APBB3: variants seen among roughly 807,000 people sequenced by gnomAD.
The protein encoded by APBB3 is amyloid beta precursor protein binding family B member 3.
A neutral mutation model predicts 61.5 loss-of-function variants in APBB3; 50 were observed. That is an observed-to-expected ratio of 0.81 (90% CI 0.65 to 1.03). APBB3 has a LOEUF of 1.03. Ranked by LOEUF, APBB3 falls within the 50% of genes least tolerant of loss-of-function variation. APBB3 has a pLI of 0.00. For missense variants in APBB3, 550 were observed against 637.4 expected (o/e 0.86, Z 1.48); for synonymous variants, 235 against 233.0 (o/e 1.01, Z -0.08).
chr5:140,562,130 C>A lies in APBB3; in HGVS notation c.596G>T (p.Arg199Leu). The A allele has an allele frequency of 6.2e-7, 1 of 1,614,190 alleles. No homozygotes were observed. Among genetic ancestry groups the A allele is most frequent in the Non-Finnish European group, 8.5e-7 (1 of 1,180,008 alleles). Reference protein sequence around the residue: ...LIHCQPLVHIRVWGVGSSKGR... With the variant: ...LIHCQPLVHILVWGVGSSKGR... ...CTTGGAGCTCCCCACGCCCCACACA[C>A]GGATGTGCACCAGAGGCTGGCAGTG... Residue 199 changes from arginine to leucine, a missense_variant, in exon 6 of 13, where the codon CGT becomes CTT. Coordinates refer to ENST00000357560, the MANE Select transcript of APBB3 (RefSeq NM_133173.3).
Position 140,560,834 on chromosome 5 carries a change from G to A in APBB3, c.917-80C>T. 6.9e-7 allele frequency: 1 copy of A among 1,448,016 alleles called. No homozygotes were observed. The highest frequency in any genetic ancestry group is 9.6e-7 in the Non-Finnish European group (1 of 1,037,130). 89.7% of individuals were successfully genotyped at this position (1,448,016 alleles called of 1,614,324 possible). ...GTGTCTAGCCCCCTCTCACTGATTT[G>A]GGATTCAGAGATAGGGAATAGGATA... is the stretch of plus-strand genomic sequence containing the variant. On this transcript the variant is annotated intron_variant, in intron 10 of 12. Coordinates refer to ENST00000357560, the MANE Select transcript of APBB3 (RefSeq NM_133173.3). The surrounding 1 kb of genome is among the most constrained non-coding windows in gnomAD (Gnocchi z 5.1).
In APBB3 at chr5:140,560,432, G is replaced by C. The variant is rs775462297; in HGVS notation, c.1105C>G (p.Arg369Gly). The change falls in exon 12 of 13, where the codon CGC becomes GGC. Residue 369 changes from arginine to glycine, a missense_variant. By Grantham distance (125) the Arg-to-Gly change is moderately radical (BLOSUM62 -2). Transcript: ENST00000357560. This position sits in a 1 kb window ranked among gnomAD's most constrained non-coding sequence, Gnocchi z 5.1. ...ATGAGGCCAAAGGTGTGTGGGTCGC[G>C]GCCAACACCAATAAATGTCACAAGG... ...VRLVTFIGVG[R>G]DPHTFGLIAD... 2 of 1,614,150 alleles carry C rather than the reference G, an allele frequency of 1.2e-6. No homozygotes were observed. The highest frequency in any genetic ancestry group is 3.3e-5 in the Admixed American group (2 of 60,024).
Position 140,558,396 on chromosome 5 carries a change from C to T in APBB3, c.*189G>A, listed in dbSNP as rs985426745. The T allele has an allele frequency of 2.8e-6, 2 of 715,890 alleles. No individual in the cohort carries two copies. Among genetic ancestry groups the T allele is most frequent in the Non-Finnish European group, 4.9e-6 (2 of 404,282 alleles). The allele number at this position is 715,890 out of a possible 1,614,324, so 44.3% of individuals were successfully genotyped here. Reference sequence around the variant, plus strand: ...CAAGGAAAGGGGAGCCAGGGTCCTACGTTGTGGTGCAGTGCCTCCCAGTCA... The same window carrying T: ...CAAGGAAAGGGGAGCCAGGGTCCTATGTTGTGGTGCAGTGCCTCCCAGTCA... On this transcript the variant is annotated 3_prime_UTR_variant, in exon 13 of 13. Transcript: ENST00000357560.
chr5:140,563,686 T>G lies in APBB3; in HGVS notation c.214-16A>C, dbSNP rs780994271. The G allele has an allele frequency of 1.9e-5, 31 of 1,613,912 alleles. No homozygotes were observed. In the South Asian group the frequency reaches 3.0e-4, roughly 15 times the overall value. On this transcript the variant is annotated splice_polypyrimidine_tract_variant and intron_variant, in intron 2 of 12. Coordinates refer to ENST00000357560, the MANE Select transcript of APBB3 (RefSeq NM_133173.3). ...CCTCCGTTCCCTGTAGAGTGGGAGT[T>G]AGTCAGTTTAACAGCAGACCTAGGT...
chr5:140,562,349 T>C lies in APBB3; in HGVS notation c.498+4A>G, dbSNP rs1424319123. The C allele has an allele frequency of 6.2e-7, 1 of 1,613,676 alleles. No individual in the cohort carries two copies. The highest frequency in any genetic ancestry group is 8.5e-7 in the Non-Finnish European group (1 of 1,179,858). On this transcript the variant is annotated splice_donor_region_variant and intron_variant, in intron 5 of 12. Coordinates refer to ENST00000357560, the MANE Select transcript of APBB3 (RefSeq NM_133173.3). ...CAAACCATTAAAGGGCCCAGCCAACTCACCTCACCCCAGGCACCATCTGGA... is the reference window on the plus strand; with the variant it reads ...CAAACCATTAAAGGGCCCAGCCAACCCACCTCACCCCAGGCACCATCTGGA...
Position 140,564,393 on chromosome 5 carries a change from G to GGGACACGGGC in APBB3, c.-149_-148insGCCCGTGTCC. On this transcript the variant is annotated 5_prime_UTR_variant, in exon 1 of 13. Coordinates refer to ENST00000357560, the MANE Select transcript of APBB3 (RefSeq NM_133173.3). This position sits in a 1 kb window ranked among gnomAD's most constrained non-coding sequence, Gnocchi z 5.0. ...GCACAAATACGGGGCGGGACACGGG[G>GGGACACGGGC]CGGGACACGGGCCGGTCCCGGGGGA... The GGGACACGGGC allele has an allele frequency of 3.2e-6, 3 of 935,442 alleles. No individual in the cohort carries two copies. The highest frequency in any genetic ancestry group is 1.7e-5 in the African/African-American group (1 of 60,380). The allele number at this position is 935,442 out of a possible 1,614,324, so 57.9% of individuals were successfully genotyped here.
Position 140,563,628 on chromosome 5 carries a change from A to G in APBB3, c.256T>C (p.Ser86Pro). Residue 86 changes from serine (S) to proline (P), a missense_variant, in exon 3 of 13, where the codon TCC becomes CCC. Physicochemically the swap from Ser to Pro is moderately conservative, Grantham distance 74. This residue lies in a region of APBB3 where 405 missense variants were observed against 483.4 expected (regional missense o/e 0.84). Coordinates refer to ENST00000357560, the MANE Select transcript of APBB3 (RefSeq NM_133173.3). ...AGTGAACTCTCCAGGCTGGAGAAGG[A>G]TCTCCCTTTGGGGGGCCGCAGTCCC... ...IWGLRPPKGR[S>P]FSSLESSLDR... is the part of the protein sequence containing the mutation. 6.2e-7 allele frequency: 1 copy of G among 1,614,164 alleles called. No homozygotes were observed. The highest frequency in any genetic ancestry group is 2.2e-5 in the East Asian group (1 of 44,880).
At chr5:140,562,063 G>A (rs1561872637) in intron 6 of APBB3, 37 bp downstream of exon 6, 1 of 1,612,912 alleles carries the variant, frequency 6.2e-7, no homozygotes, top group East Asian at 2.2e-5. Flanking sequence ...CCGGGAGGGA[G>A]AAGTAGCTCT....
rs1435487477 is a variant in APBB3 at position 140,561,855 on chromosome 5, C to G, written c.627-6G>C. ...TGGTTTTCACTCACCTGTCACTGTT[C>G]CGGAAGCATGTGGGAGCACAGAAGG... is the stretch of plus-strand genomic sequence containing the variant. On this transcript the variant is annotated splice_region_variant and splice_polypyrimidine_tract_variant and intron_variant, in intron 6 of 12. Coordinates refer to ENST00000357560, the MANE Select transcript of APBB3 (RefSeq NM_133173.3). The G allele has an allele frequency of 2.5e-6, 4 of 1,613,538 alleles. No individual in the cohort carries two copies. Among genetic ancestry groups the G allele is most frequent in the Non-Finnish European group, 3.4e-6 (4 of 1,179,976 alleles).
At position 140,560,086 on chromosome 5, in the gene APBB3, A is replaced by G. The variant is rs1370685088; in HGVS notation, c.1224+227T>C. Among the ~76,000 whole-genome samples the G allele has an allele frequency of 6.6e-6, 1 of 152,240 alleles. No homozygotes were observed. The highest frequency in any genetic ancestry group is 1.9e-4 in the East Asian group (1 of 5,204). The stretch of plus-strand genomic sequence containing the variant: ...TGTGAACTGAGTGCCAGAGCTCTTG[A>G]TATTTTAAGAAAAACAAGAATAGCG... On this transcript the variant is annotated intron_variant, in intron 12 of 12. Transcript: ENST00000357560. This position sits in a 1 kb window ranked among gnomAD's most constrained non-coding sequence, Gnocchi z 5.1.
Position 140,561,155 on chromosome 5 carries a change from C to T in APBB3, c.833-54G>A, listed in dbSNP as rs1754938123. The T allele has an allele frequency of 5.6e-6, 9 of 1,600,492 alleles. No individual in the cohort carries two copies. In the Admixed American group the frequency reaches 1.0e-4, roughly 18 times the overall value. On this transcript the variant is annotated intron_variant, in intron 9 of 12. Coordinates refer to ENST00000357560, the MANE Select transcript of APBB3 (RefSeq NM_133173.3). ...AAGCTCTTTCAATTACCCTTTTCCC[C>T]ACCCTTCTCAATGGGCCAGGACTCA...
rs920129674 is a variant in APBB3, at chr5:140,562,076, C to T, written c.626+24G>A. ...AGCCGGGAGGGAGAAGTAGCTCTTG[C>T]TTGGGGGATGTAGGCATCCTCACCG... On this transcript the variant is annotated intron_variant, in intron 6 of 12. Coordinates refer to ENST00000357560, the MANE Select transcript of APBB3 (RefSeq NM_133173.3). The T allele has an allele frequency of 2.5e-6, 4 of 1,613,098 alleles. No individual in the cohort carries two copies. The African/African-American group carries it at 4.0e-5, about 16-fold the overall frequency.
Position 140,563,819 on chromosome 5 carries a change from A to G in APBB3, c.146T>C (p.Val49Ala), listed in dbSNP as rs767287978. The G allele has an allele frequency of 6.2e-7, 1 of 1,614,182 alleles. No individual in the cohort carries two copies. The change falls in exon 2 of 13, where the codon GTA (valine) becomes GCA (alanine). Residue 49 changes from valine (V) to alanine (A), a missense_variant. By Grantham distance (64) the Val-to-Ala change is moderately conservative. Around this residue, in one of 3 missense-constraint regions of APBB3, gnomAD observed 405 missense variants for 483.4 expected, o/e 0.84. Transcript: ENST00000357560. The part of the protein sequence containing the change: ...HDAAGTYYWH[V>A]PSGSTQWQRP... ...CTGCCACTGGGTGCTACCGCTGGGTACATGCCAGTAGTAAGTACCTGCAGC... is the reference window on the plus strand; with the variant it reads ...CTGCCACTGGGTGCTACCGCTGGGTGCATGCCAGTAGTAAGTACCTGCAGC...
intron 3 of APBB3, 143 bp from the exon 4 acceptor site, chr5:140,562,866 C>T (rs1755025236): frequency 4.2e-6 from 3 of 722,354 alleles, no homozygotes; most frequent in African/African-American, 3.6e-5. Flanking sequence ...AGGGTAGAGC[C>T]CAGGACATAT....
chr5:140,564,060 T>C lies in APBB3; in HGVS notation c.49+137A>G. 4.1e-6 allele frequency: 6 copies of C among 1,470,190 alleles called. No individual in the cohort carries two copies. The highest frequency in any genetic ancestry group is 1.7e-4 in the Middle Eastern group (1 of 5,728). The allele number at this position is 1,470,190 out of a possible 1,614,324, so 91.1% of individuals were successfully genotyped here. A position where few individuals can be genotyped will look rare whatever the true frequency, so the allele number is the denominator to read the frequency against. The stretch of plus-strand genomic sequence containing the variant: ...TCCTCAATCTTGAAGACATCACATG[T>C]AAAGACCGGGTTCATTCGCCCCCTG... On this transcript the variant is annotated intron_variant, in intron 1 of 12. Coordinates refer to ENST00000357560, the MANE Select transcript of APBB3 (RefSeq NM_133173.3). This position sits in a 1 kb window ranked among gnomAD's most constrained non-coding sequence, Gnocchi z 5.0.
intron 3 of APBB3, 103 bp downstream of exon 3, chr5:140,563,491 G>T: frequency 1.4e-6 from 2 of 1,390,102 alleles, no homozygotes; most frequent in Non-Finnish European, 2.0e-6. Flanking sequence ...CAAAACATGT[G>T]ACAGAATCCA....
rs1357900447 is a variant in APBB3 at position 140,560,650 on chromosome 5, G to A, written c.1021C>T (p.His341Tyr). Residue 341 changes from histidine to tyrosine, a missense_variant, in exon 11 of 13, where the codon CAC (histidine) becomes TAC (tyrosine). Physicochemically the swap from His to Tyr is moderately conservative, Grantham distance 83 (BLOSUM62 2). Coordinates refer to ENST00000357560, the MANE Select transcript of APBB3 (RefSeq NM_133173.3). The surrounding 1 kb of genome is among the most constrained non-coding windows in gnomAD (Gnocchi z 5.1). ...CCCTCTTCTGGTACCTGAATGGGGT[G>A]TGCAGTCATGAGAGAGTCAGACACA... is the stretch of plus-strand genomic sequence containing the variant. ...LSVSDSLMTA[H>Y]PIQAEASTEE... 2.5e-6 allele frequency: 4 copies of A among 1,614,022 alleles called. No individual in the cohort carries two copies. Among genetic ancestry groups the A allele is most frequent in the African/African-American group, 1.3e-5 (1 of 74,922 alleles).
In APBB3 at chr5:140,561,404, A is replaced by G. The variant is rs568402004; in HGVS notation, c.793T>C (p.Ser265Pro). ...VEVSGDASCC[S>P]PDPISPEDLP... The stretch of plus-strand genomic sequence containing the variant: ...TCTTCAGGAGAGATGGGGTCTGGGG[A>G]GCAGCAAGAGGCATCACCACTGACC... Residue 265 changes from serine (S) to proline (P), a missense_variant, in exon 9 of 13, where the codon TCC (serine) becomes CCC (proline). Coordinates refer to ENST00000357560, the MANE Select transcript of APBB3 (RefSeq NM_133173.3). 1 of 1,614,072 alleles carries G rather than the reference A, an allele frequency of 6.2e-7. No homozygotes were observed. Among genetic ancestry groups the G allele is most frequent in the East Asian group, 2.2e-5 (1 of 44,872 alleles).
At position 140,560,255 on chromosome 5, in the gene APBB3, A is replaced by G; in HGVS notation, c.1224+58T>C. On this transcript the variant is annotated intron_variant, in intron 12 of 12. Transcript: ENST00000357560. The surrounding 1 kb of genome is among the most constrained non-coding windows in gnomAD (Gnocchi z 5.1). ...GAGGCTGCCGACCCGGAGCCCAAGT[A>G]AACAGTGGAGAGCAGCTGCAGGGCA... The G allele has an allele frequency of 6.4e-7, 1 of 1,563,838 alleles. No homozygotes were observed. The highest frequency in any genetic ancestry group is 1.8e-4 in the Middle Eastern group (1 of 5,442).
Sources: gnomAD v4.1 joint callset for allele counts (sites outside exome capture counted in the v4.1 genomes callset) on GRCh38, gnomAD v4.1.1 for gene constraint, gnomAD v4.1.1 regional missense constraint, Gnocchi (gnomAD v3.1) non-coding constraint, MANE v1.5 for transcripts, NCBI Gene and HGNC (gene_info 2026-07-23, HGNC 2026-07-21) for gene names.